Variants in CHD9 observed in about 807,000 individuals in gnomAD.
The protein encoded by CHD9 is ATP-dependent chromatin remodeler CHD9.
A neutral mutation model predicts 316.1 loss-of-function variants in CHD9; 77 were observed. The observed-to-expected ratio is 0.24, with a 90% CI of 0.20 to 0.29. The LOEUF (loss-of-function observed/expected upper bound fraction) is 0.29, where lower values mean the gene tolerates loss of function less well. Ranked by LOEUF, CHD9 falls within the 10% of genes least tolerant of loss-of-function variation. CHD9 has a pLI of 1.00. For missense variants in CHD9, 2,763 were observed against 3,438.1 expected (o/e 0.80, Z 4.91); for synonymous variants, 1,129 against 1,158.3 (o/e 0.97, Z 0.51).
At chr16:53,114,035 G>A (rs1348927774) in intron 1 of CHD9, among the ~76,000 whole-genome samples, 1 of 151,276 alleles carries the variant, frequency 6.6e-6, no homozygotes, top group South Asian at 2.1e-4. Flanking sequence ...TTGAGGAAAA[G>A]GGTTATTAAT....
At chr16:53,242,175 C>G (rs2049161171) in intron 12 of CHD9, among the ~76,000 whole-genome samples, 1 of 152,176 alleles carries the variant, frequency 6.6e-6, no homozygotes, top group Non-Finnish European at 1.5e-5. Context: ...CCCAACCACT[C>G]TATACAAAAA....
At chr16:53,202,519 GAGTTTCCT>G in intron 2 of CHD9, among the ~76,000 whole-genome samples, 1 of 151,724 alleles carries the variant, frequency 6.6e-6, no homozygotes, top group Non-Finnish European at 1.5e-5. Flanking sequence ...TTGTCCTATG[GAGTTTCCT>G]ACACTCTGGA....
chr16:53,267,349 C>T lies in CHD9; in HGVS notation c.4376C>T (p.Ala1459Val), dbSNP rs776850671. 4 of 1,612,088 alleles carry T rather than the reference C, an allele frequency of 2.5e-6. No individual in the cohort carries two copies. The South Asian group carries it at 3.3e-5, about 13-fold the overall frequency. ...AGGAAGCAAACAAGACCTTTTAGTG[C>T]CACAAAAGATGAATTGGCTGAATTA... is the stretch of plus-strand genomic sequence containing the variant. Reference protein sequence around the residue: ...RIRKQTRPFSATKDELAELSE... With the variant: ...RIRKQTRPFSVTKDELAELSE... Residue 1459 changes from alanine (A) to valine (V), a missense_variant, in exon 21 of 39, where the codon GCC becomes GTC. This residue lies in a region of CHD9 where 199 missense variants were observed against 251.7 expected (regional missense o/e 0.79). Transcript: ENST00000447540.
chr16:53,192,008 G>A (rs2152829087), intron 2 of CHD9, among the ~76,000 whole-genome samples: 1 of 150,190 alleles, frequency 6.7e-6, no homozygotes, highest in Admixed American at 6.7e-5. Flanking sequence ...TTTACTGATG[G>A]ATGATGTTGA....
At chr16:53,212,386 CAG>C (rs781393678) in intron 3 of CHD9, among the ~76,000 whole-genome samples, 1 of 147,630 alleles carries the variant, frequency 6.8e-6, no homozygotes, top group Non-Finnish European at 1.5e-5. Context: ...GCCTGGCTGA[CAG>C]AGCGAGATTC....
chr16:53,193,360 A>G (rs1428926452), intron 2 of CHD9, among the ~76,000 whole-genome samples: 1 of 151,880 alleles, frequency 6.6e-6, no homozygotes, highest in African/African-American at 2.4e-5. Context: ...GAGGCAGGAG[A>G]GTGGCATGAA....
chr16:53,063,012 C>G (rs2033086326), intron 1 of CHD9, among the ~76,000 whole-genome samples: 1 of 152,030 alleles, frequency 6.6e-6, no homozygotes, highest in Admixed American at 6.6e-5. Context: ...AAGAGTGAAA[C>G]TCCGTCTCAA....
intron 1 of CHD9, among the ~76,000 whole-genome samples, chr16:53,099,874 G>C (rs1050909863): frequency 2.6e-5 from 4 of 152,262 alleles, no homozygotes; most frequent in African/African-American, 9.6e-5. Flanking sequence ...GCAGCGGGAG[G>C]GGGTGCTCCC....
At chr16:53,162,978 C>T (rs915924885) in intron 2 of CHD9, among the ~76,000 whole-genome samples, 3 of 151,704 alleles carry the variant, frequency 2.0e-5, no homozygotes, top group Non-Finnish European at 4.4e-5. Context: ...ACTTTGTTGC[C>T]CAGGCTGGAC....
chr16:53,059,173 G>A (rs893394544), intron 1 of CHD9, among the ~76,000 whole-genome samples: 3 of 152,212 alleles, frequency 2.0e-5, no homozygotes, highest in Admixed American at 6.5e-5. Context: ...ATCTCAGGAC[G>A]TGGGCTGGAG....
chr16:53,149,439 T>TTTGTGATATGTA (rs2040904211), intron 1 of CHD9, among the ~76,000 whole-genome samples: 1 of 152,184 alleles, frequency 6.6e-6, no homozygotes, highest in African/African-American at 2.4e-5. Flanking sequence ...TTTTACTTCA[T>TTTGTGATATGTA]AAATTTTGTG....
At chr16:53,285,842 C>T (rs2053823831) in intron 25 of CHD9, 143 bp downstream of exon 25, 2 of 526,762 alleles carry the variant, frequency 3.8e-6, no homozygotes, top group Admixed American at 3.6e-5. Context: ...CACTACCAAA[C>T]TATGTCTGTC....
chr16:53,085,536 G>T (rs1291034672), intron 1 of CHD9, among the ~76,000 whole-genome samples: 1 of 152,046 alleles, frequency 6.6e-6, no homozygotes, highest in Non-Finnish European at 1.5e-5. Context: ...CTGGGGGCTG[G>T]GTTCTTTCTG....
At chr16:53,247,241 G>T in intron 15 of CHD9, 52 bp from the exon 16 acceptor site, 1 of 1,299,066 alleles carries the variant, frequency 7.7e-7, no homozygotes, top group Non-Finnish European at 1.1e-6. Context: ...AAAGCAATTG[G>T]GAATTTCCTG....
intron 1 of CHD9, among the ~76,000 whole-genome samples, chr16:53,079,817 G>C (rs1339950304): frequency 1.3e-5 from 2 of 152,230 alleles, no homozygotes; most frequent in Non-Finnish European, 2.9e-5. Flanking sequence ...CTCCCAGAGA[G>C]AGCATGGAAG....
intron 27 of CHD9, among the ~76,000 whole-genome samples, chr16:53,289,737 C>T (rs1026944777): frequency 6.6e-6 from 1 of 152,130 alleles, no homozygotes; most frequent in Admixed American, 6.5e-5. Context: ...ATAAAGCTCC[C>T]AAGGAAGAGT....
At chr16:53,148,396 C>A (rs868537764) in intron 1 of CHD9, among the ~76,000 whole-genome samples, 5 of 152,140 alleles carry the variant, frequency 3.3e-5, no homozygotes, top group Non-Finnish European at 7.3e-5. Context: ...CACACGTACC[C>A]GTCTGGCTTG....
chr16:53,269,636 G>A (rs1219208590), intron 22 of CHD9, among the ~76,000 whole-genome samples: 4 of 152,158 alleles, frequency 2.6e-5, no homozygotes, highest in Non-Finnish European at 5.9e-5. Context: ...TCACACAAAT[G>A]TAATTTCACT....
intron 1 of CHD9, among the ~76,000 whole-genome samples, chr16:53,072,401 T>TA (rs2034158009): frequency 2.3e-3 from 1 of 428 alleles, no homozygotes; most frequent in Non-Finnish European, 0.012. Context: ...CACCATAACT[T>TA]TTTTTTTTTT....
Sources: gnomAD v4.1 joint callset for allele counts (sites outside exome capture counted in the v4.1 genomes callset) on GRCh38, gnomAD v4.1.1 for gene constraint, gnomAD v4.1.1 regional missense constraint, MANE v1.5 for transcripts, NCBI Gene and HGNC (gene_info 2026-07-23, HGNC 2026-07-21) for gene names.